Variants in TAMM41 observed in about 807,000 individuals in gnomAD.
TAMM41 encodes the protein phosphatidate cytidylyltransferase, mitochondrial.
Under a neutral mutation model 44.1 loss-of-function variants are expected in TAMM41, and 36 were observed. That is an observed-to-expected ratio of 0.82 (90% CI 0.63 to 1.08). The LOEUF is 1.08. Among genes scored for constraint, TAMM41 ranks in the 50% least tolerant of loss-of-function variants. TAMM41 has a pLI of 0.00. For synonymous variants in TAMM41, 164 were observed against 153.1 expected (o/e 1.07, Z -0.53); for missense variants, 417 against 404.3 (o/e 1.03, Z -0.27).
the TAMM41 span, among the ~76,000 whole-genome samples, chr3:11,760,369 C>T: frequency 4.6e-5 from 7 of 152,174 alleles, no homozygotes; most frequent in Non-Finnish European, 1.5e-5. Context: ...TCAGTTGCTT[C>T]ATTTTCACTT....
the TAMM41 span, among the ~76,000 whole-genome samples, chr3:11,737,531 G>T: frequency 6.6e-6 from 1 of 151,918 alleles, no homozygotes; most frequent in Non-Finnish European, 1.5e-5. Flanking sequence ...TGTTGGTCAG[G>T]TTGGTCTCGA....
At chr3:11,778,466 C>A in the TAMM41 span, among the ~76,000 whole-genome samples, 1 of 152,162 alleles carries the variant, frequency 6.6e-6, no homozygotes, top group Admixed American at 6.5e-5. Flanking sequence ...CAAGCAATGG[C>A]CCACCTCTGT....
At chr3:11,767,650 G>C in the TAMM41 span, among the ~76,000 whole-genome samples, 1 of 8,948 alleles carries the variant, frequency 1.1e-4, no homozygotes, top group Non-Finnish European at 3.4e-4. Flanking sequence ...TTTTGAGACA[G>C]AGTCTTGCTC....
intron 2 of TAMM41, among the ~76,000 whole-genome samples, chr3:11,840,155 C>T (rs903911220): frequency 6.6e-6 from 1 of 152,138 alleles, no homozygotes; most frequent in Admixed American, 6.5e-5. Flanking sequence ...ACCCTAACTG[C>T]CGAGCTTTCA....
At chr3:11,757,208 G>A in the TAMM41 span, among the ~76,000 whole-genome samples, 1,952 of 152,226 alleles carry the variant, frequency 0.013, 33 homozygotes, top group African/African-American at 0.045. Flanking sequence ...CAAGGAGCAC[G>A]GTAAGATCCA....
intron 3 of TAMM41, among the ~76,000 whole-genome samples, chr3:11,836,861 A>G (rs898687624): frequency 8.5e-5 from 13 of 152,264 alleles, no homozygotes; most frequent in African/African-American, 2.9e-4. Context: ...CTCAGTTATG[A>G]GCTTTACTAG....
At chr3:11,838,985 A>C (rs2079309595) in intron 3 of TAMM41, among the ~76,000 whole-genome samples, 1 of 152,214 alleles carries the variant, frequency 6.6e-6, no homozygotes, top group South Asian at 2.1e-4. Flanking sequence ...CAGATATTCC[A>C]AAGATTTTAG....
chr3:11,727,030 AAAT>A, the TAMM41 span, among the ~76,000 whole-genome samples: 1 of 152,106 alleles, frequency 6.6e-6, no homozygotes, highest in Non-Finnish European at 1.5e-5. Flanking sequence ...AAATAATCTA[AAAT>A]AATAATAATA....
the TAMM41 span, among the ~76,000 whole-genome samples, chr3:11,722,786 TG>T: frequency 6.6e-6 from 1 of 151,946 alleles, no homozygotes; most frequent in Non-Finnish European, 1.5e-5. Context: ...CTGGCCAACA[TG>T]GTGAAACCCC....
the TAMM41 span, among the ~76,000 whole-genome samples, chr3:11,769,814 G>A: frequency 3.3e-5 from 5 of 152,212 alleles, no homozygotes; most frequent in Non-Finnish European, 7.3e-5. Flanking sequence ...CCTCTACCTC[G>A]GCTGTGCTGG....
intron 3 of TAMM41, among the ~76,000 whole-genome samples, chr3:11,834,597 T>A (rs1349947722): frequency 6.6e-6 from 1 of 152,208 alleles, no homozygotes; most frequent in Admixed American, 6.5e-5. Context: ...GGGTATTCCA[T>A]CAATTATGAG....
At chr3:11,737,152 G>A in the TAMM41 span, among the ~76,000 whole-genome samples, 2 of 151,828 alleles carry the variant, frequency 1.3e-5, no homozygotes, top group Non-Finnish European at 2.9e-5. Flanking sequence ...AGTGGGCTCC[G>A]TTTCTGCTTA....
the TAMM41 span, among the ~76,000 whole-genome samples, chr3:11,742,589 CTTT>C: frequency 2.9e-5 from 4 of 135,758 alleles, no homozygotes; most frequent in African/African-American, 2.8e-5. Flanking sequence ...CCATCGCTTG[CTTT>C]TTTTTTTTTT....
At chr3:11,812,448 A>G (rs1186324025) in intron 5 of TAMM41, among the ~76,000 whole-genome samples, 1 of 152,108 alleles carries the variant, frequency 6.6e-6, no homozygotes, top group Non-Finnish European at 1.5e-5. Flanking sequence ...CAACTGGCAG[A>G]AGACATGGGC....
At chr3:11,764,621 C>G in the TAMM41 span, among the ~76,000 whole-genome samples, 1 of 149,426 alleles carries the variant, frequency 6.7e-6, no homozygotes, top group Non-Finnish European at 1.5e-5. Context: ...GCCTCCTGAG[C>G]AGCTGGGACT....
At chr3:11,778,567 G>C in the TAMM41 span, among the ~76,000 whole-genome samples, 4 of 152,082 alleles carry the variant, frequency 2.6e-5, no homozygotes, top group African/African-American at 9.7e-5. Context: ...GCCCATGAGG[G>C]CTCCACTGTC....
rs2077963161 is a variant in TAMM41, at chr3:11,807,818, T to A, written c.937+15A>T. 6.5e-7 allele frequency: 1 copy of A among 1,535,988 alleles called. No homozygotes were observed. Among genetic ancestry groups the A allele is most frequent in the Admixed American group, 2.0e-5 (1 of 50,974 alleles). On this transcript the variant is annotated intron_variant, in intron 7 of 7. Transcript: ENST00000455809. ...GTCAGCAGGTATGTTACACACGGAT[T>A]TCCAAAGCTCTTACCAGCAGTAAAA...
chr3:11,833,027 A>T (rs1431660972), intron 3 of TAMM41: 1 of 1,081,030 alleles, frequency 9.3e-7, no homozygotes, highest in East Asian at 8.8e-5. Flanking sequence ...TCAGTTCGGA[A>T]GATTCTGCTA....
At chr3:11,809,449 C>G in intron 6 of TAMM41, 68 bp downstream of exon 6, 1 of 1,565,710 alleles carries the variant, frequency 6.4e-7, no homozygotes, top group Non-Finnish European at 8.7e-7. Context: ...ATAATACATT[C>G]CAATCACAAA....
Sources: gnomAD v4.1 joint callset for allele counts (sites outside exome capture counted in the v4.1 genomes callset) on GRCh38, gnomAD v4.1.1 for gene constraint, MANE v1.5 for transcripts, NCBI Gene and HGNC (gene_info 2026-07-23, HGNC 2026-07-21) for gene names.